GLYR1: variants seen among roughly 807,000 people sequenced by gnomAD.
GLYR1 encodes glyoxylate reductase 1 homolog, also known as cytokine-like nuclear factor N-PAC.
Under a neutral mutation model 72.7 loss-of-function variants are expected in GLYR1, and 21 were observed. That is an observed-to-expected ratio of 0.29 (90% CI 0.20 to 0.42). The LOEUF (loss-of-function observed/expected upper bound fraction) is 0.42, where lower values mean the gene tolerates loss of function less well. GLYR1 is among the 10% of genes least tolerant of loss of function. GLYR1 has a pLI of 1.00. For synonymous variants in GLYR1, 392 were observed against 270.2 expected, an observed-to-expected ratio of 1.45 and a Z score of -4.42; for missense variants, 594 against 712.1, an observed-to-expected ratio of 0.83 and a Z score of 1.89.
chr16:4,844,432 CAT>C (rs1228716124), intron 3 of GLYR1, among the ~76,000 whole-genome samples: 2 of 152,146 alleles, frequency 1.3e-5, no homozygotes, highest in African/African-American at 4.8e-5. Flanking sequence ...AAGCATGAAC[CAT>C]AATGATATAT....
intron 3 of GLYR1, among the ~76,000 whole-genome samples, chr16:4,836,762 T>C (rs957197913): frequency 1.3e-5 from 2 of 152,078 alleles, no homozygotes; most frequent in Admixed American, 6.5e-5. Context: ...AATGCAACTG[T>C]TTCAATGTTG....
chr16:4,815,938 T>C (rs1032207300), intron 10 of GLYR1, among the ~76,000 whole-genome samples: 79 of 151,764 alleles, frequency 5.2e-4, no homozygotes, highest in African/African-American at 1.7e-3. Context: ...CCCGCCACTG[T>C]GCCCGGCTAA....
intron 9 of GLYR1, among the ~76,000 whole-genome samples, chr16:4,818,181 G>C (rs992468471): frequency 2.0e-5 from 3 of 152,142 alleles, no homozygotes; most frequent in Non-Finnish European, 4.4e-5. Context: ...TTTTAGTAGA[G>C]ACAGGGTTTC....
At chr16:4,817,889 C>G in intron 9 of GLYR1, 192 bp from the exon 10 acceptor site, 3 of 566,766 alleles carry the variant, frequency 5.3e-6, no homozygotes, top group Non-Finnish European at 9.5e-6. Flanking sequence ...ATGCCATGGT[C>G]TAAAGCTGTC....
intron 3 of GLYR1, among the ~76,000 whole-genome samples, chr16:4,840,931 A>C (rs1427627987): frequency 6.6e-6 from 1 of 152,362 alleles, no homozygotes; most frequent in South Asian, 2.1e-4. Flanking sequence ...TTCCTTCTTT[A>C]GAGAAGTACT....
Position 4,814,653 on chromosome 16 carries a change from A to C in GLYR1, c.907-6T>G. 6.2e-7 allele frequency: 1 copy of C among 1,604,216 alleles called. No individual in the cohort carries two copies. The highest frequency in any genetic ancestry group is 1.1e-5 in the South Asian group (1 of 90,830). On this transcript the variant is annotated splice_polypyrimidine_tract_variant and splice_region_variant and intron_variant, in intron 10 of 15. Coordinates refer to ENST00000321919, the MANE Select transcript of GLYR1 (RefSeq NM_032569.4). ...TCCTGGATGAACAAATCACACTGCA[A>C]AAGTCACAGATCCTAACGTGAGCTG...
intron 7 of GLYR1, among the ~76,000 whole-genome samples, chr16:4,822,069 C>A (rs2084066942): frequency 7.2e-6 from 1 of 138,540 alleles, no homozygotes. Context: ...GTGACAGTCT[C>A]AACTACACAG....
At chr16:4,805,382 G>T in intron 15 of GLYR1, 72 bp from the exon 16 acceptor site, 2 of 1,322,570 alleles carry the variant, frequency 1.5e-6, no homozygotes, top group Non-Finnish European at 1.1e-6. Flanking sequence ...ATTCCTGGAG[G>T]CAGTGGTGGA....
At chr16:4,830,111 T>G (rs569234687) in intron 5 of GLYR1, among the ~76,000 whole-genome samples, 2 of 151,876 alleles carry the variant, frequency 1.3e-5, no homozygotes, top group African/African-American at 4.8e-5. Flanking sequence ...GCCAATTTTT[T>G]AGTTTTTGTA....
At chr16:4,810,421 A>C (rs1290387715) in intron 15 of GLYR1, among the ~76,000 whole-genome samples, 1 of 151,674 alleles carries the variant, frequency 6.6e-6, no homozygotes, top group Non-Finnish European at 1.5e-5. Flanking sequence ...GAGGCACAAA[A>C]ATCTATTGAA....
At chr16:4,831,200 T>A (rs1184813921) in intron 5 of GLYR1, among the ~76,000 whole-genome samples, 6 of 152,122 alleles carry the variant, frequency 3.9e-5, no homozygotes, top group Non-Finnish European at 8.8e-5. Flanking sequence ...CTGAAGTGCC[T>A]CTCACCTCTT....
chr16:4,843,689 T>G, intron 3 of GLYR1: 1 of 1,226,982 alleles, frequency 8.2e-7, no homozygotes, highest in African/African-American at 1.6e-5. Flanking sequence ...GCTTTCTAAG[T>G]AGAAATACTT....
intron 3 of GLYR1, among the ~76,000 whole-genome samples, chr16:4,841,457 CAAAAAAAA>C (rs1160441336): frequency 1.8e-3 from 58 of 31,952 alleles, no homozygotes; most frequent in African/African-American, 5.6e-3. Context: ...CTTGTCTCTA[CAAAAAAAA>C]AAAAAAAAAA....
At chr16:4,836,830 C>A (rs12149503) in intron 3 of GLYR1, among the ~76,000 whole-genome samples, 714 of 141,954 alleles carry the variant, frequency 5.0e-3, no homozygotes, top group Non-Finnish European at 7.9e-3. Flanking sequence ...AAAAAAAAAA[C>A]AAAACAAATC....
chr16:4,811,976 C>A (rs934203132), intron 13 of GLYR1, 110 bp downstream of exon 13: 7 of 1,478,828 alleles, frequency 4.7e-6, no homozygotes, highest in Non-Finnish European at 4.5e-6. Context: ...GAAAGGAAAC[C>A]TTCCCCAGGG....
chr16:4,820,945 A>G (rs2083978489), intron 9 of GLYR1, among the ~76,000 whole-genome samples: 1 of 152,190 alleles, frequency 6.6e-6, no homozygotes. Context: ...ACCATGGCCA[A>G]TTTTGGGGCC....
chr16:4,817,689 AATCCT>A lies in GLYR1; in HGVS notation c.810_814del (p.Gly271PhefsTer32). The A allele has an allele frequency of 6.2e-7, 1 of 1,607,572 alleles. No individual in the cohort carries two copies. Among genetic ancestry groups the A allele is most frequent in the Non-Finnish European group, 8.5e-7 (1 of 1,174,100 alleles). ...ACTTCCCATGAGACCAAGGCCCAAA[AATCCT>A]ATCCTGAAACAGAGAGAGACTGATG... On this transcript the variant is annotated frameshift_variant, in exon 10 of 16. Coordinates refer to ENST00000321919, the MANE Select transcript of GLYR1 (RefSeq NM_032569.4). LOFTEE classifies it high-confidence loss of function.
At chr16:4,841,295 C>G (rs1362914784) in intron 3 of GLYR1, among the ~76,000 whole-genome samples, 2 of 151,568 alleles carry the variant, frequency 1.3e-5, no homozygotes, top group African/African-American at 2.4e-5. Context: ...AAACAAGGAT[C>G]ACAGTTTATT....
chr16:4,835,827 C>T, intron 3 of GLYR1, among the ~76,000 whole-genome samples: 1 of 152,036 alleles, frequency 6.6e-6, no homozygotes, highest in East Asian at 1.9e-4. Context: ...TGAGACTCCA[C>T]CTCAAAAACA....
Sources: allele counts gnomAD v4.1 joint callset (sites outside exome capture counted in the v4.1 genomes callset), GRCh38; gene constraint gnomAD v4.1.1; transcripts MANE v1.5; gene names NCBI Gene and HGNC (gene_info 2026-07-23, HGNC 2026-07-21).